The following HMX2 variants were observed in gnomAD, a reference collection of about 807,000 sequenced individuals.
The protein encoded by HMX2 is H6 family homeobox 2.
HMX2 carries 15 observed loss-of-function variants against 21.2 expected under a neutral mutation model. The ratio of observed to expected loss-of-function variants is 0.71; its 90% CI spans 0.47 to 1.09. The LOEUF is 1.09. Ranked by LOEUF, HMX2 falls within the 50% of genes least tolerant of loss-of-function variation. The probability of loss-of-function intolerance (pLI) is 0.00; values close to 1 mark genes in which losing one functional copy is unlikely to be tolerated. For missense variants in HMX2, 440 were observed against 381.5 expected (o/e 1.15, Z -1.28); for synonymous variants, 193 against 181.0 (o/e 1.07, Z -0.53).
chr10:123,149,969 A>C lies in HMX2; in HGVS notation c.668A>C (p.Gln223Pro). The change falls in exon 2 of 2, where the codon CAG becomes CCG. Residue 223 changes from glutamine to proline, a missense_variant. Coordinates refer to ENST00000339992, the MANE Select transcript of HMX2 (RefSeq NM_005519.2). The surrounding 1 kb of genome is among the most constrained non-coding windows in gnomAD (Gnocchi z 5.4). ...GCCAACATGGCGCACGCGTCGGCGC[A>C]GACTCTGGTGAGCATGCCGCTGGTG... ...EAANMAHASA[Q>P]TLVSMPLVFR... 6.2e-7 allele frequency: 1 copy of C among 1,611,896 alleles called. No individual in the cohort carries two copies. Among genetic ancestry groups the C allele is most frequent in the Non-Finnish European group, 8.5e-7 (1 of 1,179,588 alleles).
In HMX2 at chr10:123,149,951, T is replaced by C. The variant is rs1196324968; in HGVS notation, c.650T>C (p.Met217Thr). ...QLSAELEAANMAHASAQTLVS... is the reference protein window; with the variant it reads ...QLSAELEAANTAHASAQTLVS... ...TCGGCTGAGCTGGAGGCGGCCAACATGGCGCACGCGTCGGCGCAGACTCTG... is the reference window on the plus strand; with the variant it reads ...TCGGCTGAGCTGGAGGCGGCCAACACGGCGCACGCGTCGGCGCAGACTCTG... Residue 217 changes from methionine (M) to threonine (T), a missense_variant, in exon 2 of 2, where the codon ATG (methionine) becomes ACG (threonine). Met to Thr is a moderately conservative substitution (Grantham distance 81, BLOSUM62 -1). Transcript: ENST00000339992. This position sits in a 1 kb window ranked among gnomAD's most constrained non-coding sequence, Gnocchi z 5.4. 1 of 1,612,038 alleles carries C rather than the reference T, an allele frequency of 6.2e-7. No homozygotes were observed. The highest frequency in any genetic ancestry group is 8.5e-7 in the Non-Finnish European group (1 of 1,179,616).
rs1353458126 is a variant in HMX2, at chr10:123,149,170, G to C, written c.269-400G>C. Among the ~76,000 whole-genome samples the C allele has an allele frequency of 6.6e-6, 1 of 152,178 alleles. No homozygotes were observed. The highest frequency in any genetic ancestry group is 1.5e-5 in the Non-Finnish European group (1 of 68,036). On this transcript the variant is annotated intron_variant, in intron 1 of 1. Transcript: ENST00000339992. This position sits in a 1 kb window ranked among gnomAD's most constrained non-coding sequence, Gnocchi z 5.4. ...AACATTTGACGAAGGGGAGTCCTGC[G>C]TTAGTCCTTAGCGTGATTTCCAAAC...
In HMX2 at chr10:123,149,321, G is replaced by T. The variant is rs1362324292; in HGVS notation, c.269-249G>T. Among the ~76,000 whole-genome samples, 2 of 152,134 alleles carry T rather than the reference G, an allele frequency of 1.3e-5. No individual in the cohort carries two copies. The highest frequency in any genetic ancestry group is 6.5e-5 in the Admixed American group (1 of 15,282). On this transcript the variant is annotated intron_variant, in intron 1 of 1. Coordinates refer to ENST00000339992, the MANE Select transcript of HMX2 (RefSeq NM_005519.2). This position sits in a 1 kb window ranked among gnomAD's most constrained non-coding sequence, Gnocchi z 5.4. ...CCCCTCCAGACCTCCTCTCCCTGTT[G>T]CCCCTGGCCCATTCATAAAGGTGGG...
chr10:123,148,685 G>T lies in HMX2; in HGVS notation c.268+39G>T, dbSNP rs546159037. The T allele has an allele frequency of 5.6e-5, 88 of 1,584,314 alleles. No individual in the cohort carries two copies. The Admixed American group carries it at 1.6e-3, about 29-fold the overall frequency. ...GTCGCCAGTGTGGCAGCGAGCGAGC[G>T]CGAGGGGAGGGAGGCTGAGCGCCCC... On this transcript the variant is annotated intron_variant, in intron 1 of 1. Coordinates refer to ENST00000339992, the MANE Select transcript of HMX2 (RefSeq NM_005519.2).
Position 123,149,501 on chromosome 10 carries a change from G to A in HMX2, c.269-69G>A. 2.3e-6 allele frequency: 3 copies of A among 1,329,352 alleles called. No homozygotes were observed. The highest frequency in any genetic ancestry group is 3.0e-6 in the Non-Finnish European group (3 of 1,013,228). 82.3% of individuals were successfully genotyped at this position (1,329,352 alleles called of 1,614,324 possible). ...GGCGCTTGCCAACCGCTTGGTCCCA[G>A]GGAGAGCTGGCGGTCTCCGAGGCTC... is the stretch of plus-strand genomic sequence containing the variant. On this transcript the variant is annotated intron_variant, in intron 1 of 1. Coordinates refer to ENST00000339992, the MANE Select transcript of HMX2 (RefSeq NM_005519.2). This position sits in a 1 kb window ranked among gnomAD's most constrained non-coding sequence, Gnocchi z 5.4.
At position 123,148,296 on chromosome 10, in the gene HMX2, C is replaced by A; in HGVS notation, c.-83C>A. 1 of 1,481,948 alleles carries A rather than the reference C, an allele frequency of 6.7e-7. No individual in the cohort carries two copies. The highest frequency in any genetic ancestry group is 9.3e-7 in the Non-Finnish European group (1 of 1,081,068). The allele number at this position is 1,481,948 out of a possible 1,614,324, so 91.8% of individuals were successfully genotyped here. On this transcript the variant is annotated 5_prime_UTR_variant, in exon 1 of 2. In the 5' UTR this introduces an upstream ATG that the reference lacks. Transcript: ENST00000339992. ...CTCCCCGCCCCTCCCCACTGCCTGC[C>A]TGCTGCACCACCTTCCACCCAGATC...
At position 123,149,945 on chromosome 10, in the gene HMX2, C is replaced by T. The variant is rs138544531; in HGVS notation, c.644C>T (p.Ala215Val). The part of the protein sequence containing the change: ...KRQLSAELEA[A>V]NMAHASAQTL... ...CAGCTCTCGGCTGAGCTGGAGGCGG[C>T]CAACATGGCGCACGCGTCGGCGCAG... is the stretch of plus-strand genomic sequence containing the variant. The change falls in exon 2 of 2, where the codon GCC (alanine) becomes GTC (valine). Residue 215 changes from alanine (A) to valine (V), a missense_variant. Ala to Val is a moderately conservative substitution (Grantham distance 64). Coordinates refer to ENST00000339992, the MANE Select transcript of HMX2 (RefSeq NM_005519.2). The surrounding 1 kb of genome is among the most constrained non-coding windows in gnomAD (Gnocchi z 5.4). The T allele has an allele frequency of 2.0e-4, 320 of 1,612,096 alleles. No individual in the cohort carries two copies. The highest frequency in any genetic ancestry group is 8.3e-4 in the Admixed American group (50 of 59,948).
Position 123,150,138 on chromosome 10 carries a change from C to A in HMX2, c.*15C>A. 6.6e-7 allele frequency: 1 copy of A among 1,510,932 alleles called. No individual in the cohort carries two copies. Among genetic ancestry groups the A allele is most frequent in the Admixed American group, 2.0e-5 (1 of 50,692 alleles). The allele number at this position is 1,510,932 out of a possible 1,614,324, so 93.6% of individuals were successfully genotyped here. A position where few individuals can be genotyped will look rare whatever the true frequency, so the allele number is the denominator to read the frequency against. ...TCGACTACTGACCGGCCCGCCGCCC[C>A]GCGCCGCCCCCAGCTGCCCGCAGAG... On this transcript the variant is annotated 3_prime_UTR_variant, in exon 2 of 2. Transcript: ENST00000339992. The surrounding 1 kb of genome is among the most constrained non-coding windows in gnomAD (Gnocchi z 4.2).
Position 123,150,032 on chromosome 10 carries a change from G to C in HMX2, c.731G>C (p.Arg244Pro), listed in dbSNP as rs1438654286. ...TCGCTGCTGCGCGTGCCGGTGCCGC[G>C]CTCGCTCGCCTTTCCCGCGCCGCTC... is the stretch of plus-strand genomic sequence containing the variant. The part of the protein sequence containing the change: ...DSSLLRVPVP[R>P]SLAFPAPLYY... The change falls in exon 2 of 2, where the codon CGC becomes CCC. Residue 244 changes from arginine to proline, a missense_variant. Arg to Pro is a moderately radical substitution (Grantham distance 103). Transcript: ENST00000339992. This position sits in a 1 kb window ranked among gnomAD's most constrained non-coding sequence, Gnocchi z 4.2. 6.2e-7 allele frequency: 1 copy of C among 1,606,150 alleles called. No individual in the cohort carries two copies. Among genetic ancestry groups the C allele is most frequent in the Non-Finnish European group, 8.5e-7 (1 of 1,178,076 alleles).
At position 123,148,435 on chromosome 10, in the gene HMX2, C is replaced by G; in HGVS notation, c.57C>G (p.Ser19Arg). The G allele has an allele frequency of 1.2e-6, 2 of 1,613,196 alleles. No homozygotes were observed. The highest frequency in any genetic ancestry group is 1.7e-6 in the Non-Finnish European group (2 of 1,179,662). ...GTCCGGCGGCCGGTGGCGTCTCCAG[C>G]TTCACCATCCAGTCCATCCTGGGCG... ...KGCPAAGGVSSFTIQSILGGG... is the reference protein window; with the variant it reads ...KGCPAAGGVSRFTIQSILGGG... Residue 19 changes from serine to arginine, a missense_variant, in exon 1 of 2, where the codon AGC becomes AGG. Coordinates refer to ENST00000339992, the MANE Select transcript of HMX2 (RefSeq NM_005519.2).
Position 123,148,591 on chromosome 10 carries a change from C to T in HMX2, c.213C>T (p.His71=), listed in dbSNP as rs1439974956. The part of the protein sequence containing the change: ...KAPACFCPDQ[H]GPKEQGPKHH... ...CCGCCTGCTTCTGCCCAGACCAGCACGGCCCTAAGGAGCAGGGCCCCAAGC... is the reference window on the plus strand; with the variant it reads ...CCGCCTGCTTCTGCCCAGACCAGCATGGCCCTAAGGAGCAGGGCCCCAAGC... Residue 71 remains histidine (H), a synonymous_variant, in exon 1 of 2, where the codon CAC becomes CAT. Coordinates refer to ENST00000339992, the MANE Select transcript of HMX2 (RefSeq NM_005519.2). 1.2e-6 allele frequency: 2 copies of T among 1,613,208 alleles called. No individual in the cohort carries two copies. The highest frequency in any genetic ancestry group is 1.7e-5 in the Admixed American group (1 of 59,990).
Position 123,149,788 on chromosome 10 carries a change from C to A in HMX2, c.487C>A (p.Gln163Lys). The part of the protein sequence containing the change: ...RTVFSRSQVY[Q>K]LESTFDMKRY... ...CGTCTTTTCGCGCAGCCAGGTGTAC[C>A]AGCTCGAGTCCACCTTCGACATGAA... The change falls in exon 2 of 2, where the codon CAG becomes AAG. Residue 163 changes from glutamine (Q) to lysine (K), a missense_variant. Coordinates refer to ENST00000339992, the MANE Select transcript of HMX2 (RefSeq NM_005519.2). The surrounding 1 kb of genome is among the most constrained non-coding windows in gnomAD (Gnocchi z 5.4). 1 of 1,609,080 alleles carries A rather than the reference C, an allele frequency of 6.2e-7. No individual in the cohort carries two copies. Among genetic ancestry groups the A allele is most frequent in the East Asian group, 2.2e-5 (1 of 44,638 alleles).
In HMX2 at chr10:123,150,347, C is replaced by T. The variant is rs994960960; in HGVS notation, c.*224C>T. 2.0e-5 allele frequency: 8 copies of T among 402,930 alleles called. No homozygotes were observed. The highest frequency in any genetic ancestry group is 1.4e-4 in the African/African-American group (7 of 48,402). 25.0% of individuals were successfully genotyped at this position (402,930 alleles called of 1,614,324 possible). On this transcript the variant is annotated 3_prime_UTR_variant, in exon 2 of 2. Transcript: ENST00000339992. The surrounding 1 kb of genome is among the most constrained non-coding windows in gnomAD (Gnocchi z 4.2). Reference sequence around the variant, plus strand: ...CAGAGAGCCTGCTTCCTACCTAGACCGAACCAGTACGCTTTGAAAACCATT... The same window carrying T: ...CAGAGAGCCTGCTTCCTACCTAGACTGAACCAGTACGCTTTGAAAACCATT...
chr10:123,148,190 T>C lies in HMX2; in HGVS notation c.-189T>C. ...CCAGAGCCAGGCGGGCAGGAACCCC[T>C]GCGCAGCCATCCGGTGCCTGCATGT... On this transcript the variant is annotated 5_prime_UTR_variant, in exon 1 of 2. Coordinates refer to ENST00000339992, the MANE Select transcript of HMX2 (RefSeq NM_005519.2). The C allele has an allele frequency of 1.6e-6, 1 of 621,110 alleles. No homozygotes were observed. The highest frequency in any genetic ancestry group is 2.1e-5 in the South Asian group (1 of 48,720). The allele number at this position is 621,110 out of a possible 1,614,324, so 38.5% of individuals were successfully genotyped here.
At position 123,148,292 on chromosome 10, in the gene HMX2, C is replaced by T. The variant is rs1844221377; in HGVS notation, c.-87C>T. 4.1e-6 allele frequency: 6 copies of T among 1,452,394 alleles called. No homozygotes were observed. In the South Asian group the frequency reaches 4.9e-5, roughly 12 times the overall value. 90.0% of individuals were successfully genotyped at this position (1,452,394 alleles called of 1,614,324 possible). A position where few individuals can be genotyped will look rare whatever the true frequency, so the allele number is the denominator to read the frequency against. On this transcript the variant is annotated 5_prime_UTR_variant, in exon 1 of 2. Transcript: ENST00000339992. The stretch of plus-strand genomic sequence containing the variant: ...TTTCCTCCCCGCCCCTCCCCACTGC[C>T]TGCCTGCTGCACCACCTTCCACCCA...
chr10:123,149,764 G>A lies in HMX2; in HGVS notation c.463G>A (p.Val155Ile). 6.3e-7 allele frequency: 1 copy of A among 1,591,778 alleles called. No homozygotes were observed. The highest frequency in any genetic ancestry group is 1.1e-5 in the South Asian group (1 of 88,570). Residue 155 changes from valine to isoleucine, a missense_variant, in exon 2 of 2, where the codon GTC (valine) becomes ATC (isoleucine). Physicochemically the swap from Val to Ile is conservative, Grantham distance 29. Coordinates refer to ENST00000339992, the MANE Select transcript of HMX2 (RefSeq NM_005519.2). The surrounding 1 kb of genome is among the most constrained non-coding windows in gnomAD (Gnocchi z 5.4). ...CGCGGCCAAGAAGAAGACGCGCACC[G>A]TCTTTTCGCGCAGCCAGGTGTACCA... is the stretch of plus-strand genomic sequence containing the variant. Reference protein sequence around the residue: ...AGAAKKKTRTVFSRSQVYQLE... With the variant: ...AGAAKKKTRTIFSRSQVYQLE...
rs375117729 is a variant in HMX2, at chr10:123,148,489, C to T, written c.111C>T (p.Pro37=). ...GCCCCTCGGAGGCACCGCGGGAGCCCGTCGGCTGGCCAGCCAGGAAGCGCA... is the reference window on the plus strand; with the variant it reads ...GCCCCTCGGAGGCACCGCGGGAGCCTGTCGGCTGGCCAGCCAGGAAGCGCA... ...GGGPSEAPRE[P]VGWPARKRSL... Residue 37 remains proline, a synonymous_variant, in exon 1 of 2, where the codon CCC becomes CCT. Transcript: ENST00000339992. 1.2e-6 allele frequency: 2 copies of T among 1,612,346 alleles called. No homozygotes were observed. Among genetic ancestry groups the T allele is most frequent in the Non-Finnish European group, 1.7e-6 (2 of 1,179,280 alleles).
At position 123,148,291 on chromosome 10, in the gene HMX2, C is replaced by A; in HGVS notation, c.-88C>A. The A allele has an allele frequency of 2.2e-6, 3 of 1,380,040 alleles. No individual in the cohort carries two copies. The highest frequency in any genetic ancestry group is 3.0e-6 in the Non-Finnish European group (3 of 993,214). The allele number at this position is 1,380,040 out of a possible 1,614,324, so 85.5% of individuals were successfully genotyped here. A position where few individuals can be genotyped will look rare whatever the true frequency, so the allele number is the denominator to read the frequency against. ...ATTTCCTCCCCGCCCCTCCCCACTG[C>A]CTGCCTGCTGCACCACCTTCCACCC... On this transcript the variant is annotated 5_prime_UTR_variant, in exon 1 of 2. Transcript: ENST00000339992.
rs1414503073 is a variant in HMX2, at chr10:123,150,096, C to T, written c.795C>T (p.Tyr265=). ...PGSNLSALPL[Y]NLYNKLDY is the part of the protein sequence containing the mutation. ...GCAACCTCTCGGCCTTACCTCTCTA[C>T]AACCTATACAACAAGCTCGACTACT... The change falls in exon 2 of 2, where the codon TAC becomes TAT. Residue 265 remains tyrosine (Y), a synonymous_variant. Transcript: ENST00000339992. The surrounding 1 kb of genome is among the most constrained non-coding windows in gnomAD (Gnocchi z 4.2). The T allele has an allele frequency of 1.5e-5, 23 of 1,575,834 alleles. No individual in the cohort carries two copies. Among genetic ancestry groups the T allele is most frequent in the Non-Finnish European group, 1.9e-5 (22 of 1,165,346 alleles).
Sources: gnomAD v4.1 joint callset for allele counts (sites outside exome capture counted in the v4.1 genomes callset) on GRCh38, gnomAD v4.1.1 for gene constraint, Gnocchi (gnomAD v3.1) non-coding constraint, MANE v1.5 for transcripts, NCBI Gene and HGNC (gene_info 2026-07-23, HGNC 2026-07-21) for gene names.